The following CNNM2 variants were observed in gnomAD, a reference collection of about 807,000 sequenced individuals.
CNNM2 encodes the protein metal transporter CNNM2.
Under a neutral mutation model 66.9 loss-of-function variants are expected in CNNM2, and 12 were observed. The observed-to-expected ratio is 0.18, with a 90% confidence interval of 0.11 to 0.29. The LOEUF (loss-of-function observed/expected upper bound fraction) is 0.29. CNNM2 is among the 10% of genes least tolerant of loss of function. The probability of loss-of-function intolerance (pLI) is 1.00; values close to 1 mark genes in which losing one functional copy is unlikely to be tolerated. For missense variants in CNNM2, 705 were observed against 1,167.7 expected (o/e 0.60, Z 5.77); for synonymous variants, 557 against 501.8 (o/e 1.11, Z -1.47).
rs1338542381 is a variant in CNNM2, at chr10:102,919,023, C to T, written c.543C>T (p.Arg181=). The change falls in exon 1 of 8, where the codon CGC becomes CGT. Residue 181 remains arginine (R), a synonymous_variant. Coordinates refer to ENST00000369878, the MANE Select transcript of CNNM2 (RefSeq NM_017649.5). ...TCGAGATCGAGATCAAACCGCTACG[C>T]AAGATGGAGAAGAGCAAGTCCTATT... The part of the protein sequence containing the change: ...GIIEIEIKPL[R]KMEKSKSYYL... 6.2e-7 allele frequency: 1 copy of T among 1,612,676 alleles called. No homozygotes were observed. Among genetic ancestry groups the T allele is most frequent in the African/African-American group, 1.3e-5 (1 of 74,914 alleles).
At chr10:103,038,131 G>A (rs2064975999) in intron 1 of CNNM2, among the ~76,000 whole-genome samples, 2 of 152,072 alleles carry the variant, frequency 1.3e-5, no homozygotes, top group African/African-American at 4.8e-5. Context: ...TTGAGTCACC[G>A]TGCCTAGCCT....
intron 1 of CNNM2, among the ~76,000 whole-genome samples, chr10:103,017,037 T>A (rs2064466923): frequency 6.6e-6 from 1 of 152,086 alleles, no homozygotes; most frequent in African/African-American, 2.4e-5. Flanking sequence ...TCCTTCAGGT[T>A]CTCTTCAAGT....
intron 1 of CNNM2, among the ~76,000 whole-genome samples, chr10:102,958,204 G>GGGAT (rs1457248370): frequency 3.9e-5 from 6 of 152,196 alleles, no homozygotes; most frequent in Non-Finnish European, 7.3e-5. Context: ...CCAAAGTGCT[G>GGGAT]GGATTACAGG....
chr10:102,956,820 T>C (rs1847058079), intron 1 of CNNM2, among the ~76,000 whole-genome samples: 1 of 151,396 alleles, frequency 6.6e-6, no homozygotes, highest in African/African-American at 2.4e-5. Flanking sequence ...GGGCCTGTCA[T>C]GTGGTGGGGG....
intron 1 of CNNM2, among the ~76,000 whole-genome samples, chr10:102,937,538 T>C (rs1338097082): frequency 6.6e-6 from 1 of 152,170 alleles, no homozygotes; most frequent in Non-Finnish European, 1.5e-5. Flanking sequence ...TCTTGATTAT[T>C]AAAAGGAGAC....
At chr10:103,038,213 C>T (rs1044386197) in intron 1 of CNNM2, among the ~76,000 whole-genome samples, 5 of 152,100 alleles carry the variant, frequency 3.3e-5, no homozygotes, top group Non-Finnish European at 7.4e-5. Flanking sequence ...CATACCTTTC[C>T]CAAATCTCCA....
intron 1 of CNNM2, among the ~76,000 whole-genome samples, chr10:103,001,541 G>T (rs1306324393): frequency 6.6e-6 from 1 of 152,106 alleles, no homozygotes; most frequent in South Asian, 2.1e-4. Context: ...ATGGAGGAAA[G>T]AAAAGAGCTT....
At chr10:103,016,828 G>A (rs2064461148) in intron 1 of CNNM2, among the ~76,000 whole-genome samples, 1 of 152,090 alleles carries the variant, frequency 6.6e-6, no homozygotes, top group African/African-American at 2.4e-5. Context: ...TTTCCTGGGT[G>A]TTACTCCTCA....
chr10:103,031,842 G>T (rs1050099448), intron 1 of CNNM2, among the ~76,000 whole-genome samples: 2 of 152,024 alleles, frequency 1.3e-5, no homozygotes, highest in Non-Finnish European at 2.9e-5. Flanking sequence ...AAAATGCGGG[G>T]GGGGCGTGAG....
Position 102,934,897 on chromosome 10 carries a change from G to A in CNNM2, c.1621+14796G>A, listed in dbSNP as rs112314091. Among the ~76,000 whole-genome samples, 14,340 of 150,874 alleles carry A rather than the reference G, an allele frequency of 0.095. 874 individuals carry two copies. Among genetic ancestry groups the A allele is most frequent in the East Asian group, 0.28 (1,415 of 5,020 alleles). Reference sequence around the variant, plus strand: ...TTTTGGGCTGGGCATGGTGGCTCATGCCTGTAATCCCAGCACTTTGGGAGG... The same window carrying A: ...TTTTGGGCTGGGCATGGTGGCTCATACCTGTAATCCCAGCACTTTGGGAGG... On this transcript the variant is annotated intron_variant, in intron 1 of 7. Coordinates refer to ENST00000369878, the MANE Select transcript of CNNM2 (RefSeq NM_017649.5).
intron 1 of CNNM2, among the ~76,000 whole-genome samples, chr10:102,979,413 C>T (rs985826478): frequency 6.6e-6 from 1 of 152,170 alleles, no homozygotes; most frequent in African/African-American, 2.4e-5. Context: ...CCCACTACCT[C>T]ATTTGTTATA....
chr10:103,040,623 G>A (rs1782809171), intron 1 of CNNM2, among the ~76,000 whole-genome samples: 1 of 152,194 alleles, frequency 6.6e-6, no homozygotes, highest in South Asian at 2.1e-4. Flanking sequence ...TGACACAAAG[G>A]TGGATCCGGA....
At chr10:103,070,001 A>C (rs1024820171) in intron 5 of CNNM2, among the ~76,000 whole-genome samples, 15 of 152,338 alleles carry the variant, frequency 9.8e-5, no homozygotes, top group Non-Finnish European at 1.8e-4. Flanking sequence ...AAGATGTTTC[A>C]GTTAGAAAGT....
In CNNM2 at chr10:103,069,933, A is replaced by G. The variant is rs116358239; in HGVS notation, c.2167+1211A>G. Among the ~76,000 whole-genome samples the G allele has an allele frequency of 0.012, 1,883 of 152,272 alleles. 50 individuals are homozygous for G. The highest frequency in any genetic ancestry group is 0.043 in the African/African-American group (1,789 of 41,538). On this transcript the variant is annotated intron_variant, in intron 5 of 7. Transcript: ENST00000369878. ...AGGGGAGGAGATGCCTCCAGACAAG[A>G]CTGTTTCTGTGACATTGGTCTTCAT... is the stretch of plus-strand genomic sequence containing the variant.
chr10:103,061,350 G>A (rs1037044644), intron 4 of CNNM2, among the ~76,000 whole-genome samples: 3 of 152,048 alleles, frequency 2.0e-5, no homozygotes, highest in Non-Finnish European at 2.9e-5. Flanking sequence ...CTGAGATCGC[G>A]CCACTGCTCC....
At chr10:103,013,653 A>AC (rs1435613975) in intron 1 of CNNM2, among the ~76,000 whole-genome samples, 1 of 152,212 alleles carries the variant, frequency 6.6e-6, no homozygotes, top group Non-Finnish European at 1.5e-5. Flanking sequence ...TGTGAATGGA[A>AC]CAACCTATTA....
chr10:103,060,017 A>T (rs921495378), intron 4 of CNNM2, among the ~76,000 whole-genome samples: 3 of 152,124 alleles, frequency 2.0e-5, no homozygotes, highest in African/African-American at 7.2e-5. Context: ...ACAGGTACCT[A>T]CAGTCCCAGC....
At chr10:102,957,791 G>A (rs1019682990) in intron 1 of CNNM2, among the ~76,000 whole-genome samples, 6 of 152,292 alleles carry the variant, frequency 3.9e-5, no homozygotes, top group African/African-American at 1.4e-4. Flanking sequence ...TTTGAGCTAT[G>A]TTAGGCTGGT....
intron 1 of CNNM2, among the ~76,000 whole-genome samples, chr10:103,023,351 G>A (rs996974338): frequency 5.3e-5 from 8 of 152,124 alleles, no homozygotes; most frequent in Admixed American, 3.3e-4. Context: ...TCAGGAGTTC[G>A]AGACCAGCCT....
Sources: allele counts gnomAD v4.1 joint callset (sites outside exome capture counted in the v4.1 genomes callset), GRCh38; gene constraint gnomAD v4.1.1; transcripts MANE v1.5; gene names NCBI Gene and HGNC (gene_info 2026-07-23, HGNC 2026-07-21).